DOCK1: variants seen among roughly 807,000 people sequenced by gnomAD.
DOCK1 encodes the protein dedicator of cytokinesis protein 1.
A neutral mutation model predicts 262.7 loss-of-function variants in DOCK1; 138 were observed. The ratio of observed to expected loss-of-function variants is 0.53; its 90% CI spans 0.46 to 0.61. The LOEUF is 0.61. Among genes scored for constraint, DOCK1 ranks in the 20% least tolerant of loss-of-function variants. The pLI is 0.00. For synonymous variants in DOCK1, 866 were observed against 867.4 expected, an observed-to-expected ratio of 1.00 and a Z score of 0.03; for missense variants, 1,908 against 2,370.7, an observed-to-expected ratio of 0.80 and a Z score of 4.05.
intron 19 of DOCK1, among the ~76,000 whole-genome samples, chr10:127,039,101 C>T (rs1329312647): frequency 1.3e-5 from 2 of 152,198 alleles, no homozygotes. Context: ...GTGTGCTTCA[C>T]TTCAGTATCA....
chr10:127,049,636 T>C (rs564475457), intron 21 of DOCK1, among the ~76,000 whole-genome samples: 1 of 152,276 alleles, frequency 6.6e-6, no homozygotes, highest in South Asian at 2.1e-4. Context: ...ACCATGTTCA[T>C]GTATTGAAAA....
intron 27 of DOCK1, among the ~76,000 whole-genome samples, chr10:127,241,438 C>G (rs925702452): frequency 6.6e-6 from 1 of 151,994 alleles, no homozygotes; most frequent in Non-Finnish European, 1.5e-5. Context: ...TTTATTAATG[C>G]TGGATGAATT....
intron 29 of DOCK1, among the ~76,000 whole-genome samples, chr10:127,299,224 G>A (rs182013774): frequency 7.2e-5 from 11 of 152,226 alleles, no homozygotes; most frequent in African/African-American, 2.4e-4. Context: ...TCAGCCTCCC[G>A]AGTAGCTGGG....
At chr10:127,139,898 T>G (rs1333504025) in intron 27 of DOCK1, among the ~76,000 whole-genome samples, 1 of 152,192 alleles carries the variant, frequency 6.6e-6, no homozygotes, top group Non-Finnish European at 1.5e-5. Flanking sequence ...TGATCACTAA[T>G]CTTATAATGG....
At chr10:127,025,085 A>G (rs937579526) in intron 15 of DOCK1, 1 of 204,800 alleles carries the variant, frequency 4.9e-6, no homozygotes, top group Non-Finnish European at 9.9e-6. Context: ...CTGTCTTTAC[A>G]CCAAACAAAA....
At chr10:127,235,788 GTT>G (rs57376230) in intron 27 of DOCK1, among the ~76,000 whole-genome samples, 3 of 149,326 alleles carry the variant, frequency 2.0e-5, no homozygotes. Context: ...TGTGGTGGTT[GTT>G]TTTTTTTTTA....
At chr10:126,957,555 A>G (rs1472537974) in intron 1 of DOCK1, among the ~76,000 whole-genome samples, 1 of 152,074 alleles carries the variant, frequency 6.6e-6, no homozygotes, top group Non-Finnish European at 1.5e-5. Context: ...GCACGGTCAT[A>G]GCTCACTGCA....
chr10:127,320,365 T>G (rs565782196), intron 29 of DOCK1, among the ~76,000 whole-genome samples: 1 of 152,144 alleles, frequency 6.6e-6, no homozygotes, highest in Non-Finnish European at 1.5e-5. Flanking sequence ...CAGGGGCCAA[T>G]GCAGCCAAGG....
chr10:127,399,521 AT>A (rs777110769), intron 38 of DOCK1, among the ~76,000 whole-genome samples: 84 of 152,316 alleles, frequency 5.5e-4, no homozygotes, highest in Non-Finnish European at 5.0e-4. Flanking sequence ...TTTATAGGAA[AT>A]CTGATAGAAG....
At chr10:126,960,745 T>TATATATATATATATATATATATACAC (rs1429186588) in intron 1 of DOCK1, among the ~76,000 whole-genome samples, 62 of 115,490 alleles carry the variant, frequency 5.4e-4, no homozygotes, top group Non-Finnish European at 7.8e-4. Context: ...TATATATATA[T>TATATATATATATATATATATATACAC]ACACACACAC....
rs11429952 is a variant in DOCK1, at chr10:127,036,981, GA to G, written c.1913-722del. On this transcript the variant is annotated intron_variant, in intron 18 of 51. Coordinates refer to ENST00000623213, the MANE Select transcript of DOCK1 (RefSeq NM_001290223.2). ...AGCAAGAGCGAAACGCCATCTCAAG[GA>G]AAAAAAAAAAAAAAAGAAAAAGAAT... 8.2e-4 allele frequency among the ~76,000 whole-genome samples: 105 copies of G among 128,004 alleles called. 1 individual carries two copies. Among genetic ancestry groups the G allele is most frequent in the African/African-American group, 1.8e-3 (64 of 35,076 alleles). The allele number at this position is 128,004 out of a possible 152,430, so 84.0% of individuals were successfully genotyped here. A position where few individuals can be genotyped will look rare whatever the true frequency, so the allele number is the denominator to read the frequency against.
intron 27 of DOCK1, among the ~76,000 whole-genome samples, chr10:127,158,818 C>T (rs1592285250): frequency 6.6e-6 from 1 of 152,188 alleles, no homozygotes. Context: ...TAAGTATTCT[C>T]TTAACAATGC....
At chr10:127,151,732 C>T (rs2052507278) in intron 27 of DOCK1, among the ~76,000 whole-genome samples, 1 of 152,226 alleles carries the variant, frequency 6.6e-6, no homozygotes, top group Non-Finnish European at 1.5e-5. Flanking sequence ...GCCTCGCCCT[C>T]TACCTAGTGA....
At chr10:127,279,697 C>T (rs2060873570) in intron 29 of DOCK1, among the ~76,000 whole-genome samples, 1 of 152,138 alleles carries the variant, frequency 6.6e-6, no homozygotes, top group South Asian at 2.1e-4. Context: ...AAGGCCCCTC[C>T]CAGCCTGGTG....
chr10:126,916,880 A>G (rs981677010), intron 1 of DOCK1, among the ~76,000 whole-genome samples: 1 of 151,798 alleles, frequency 6.6e-6, no homozygotes. Context: ...TCAGAATTCC[A>G]GTTTGTCACA....
chr10:127,130,770 C>T (rs1364914845), intron 27 of DOCK1, among the ~76,000 whole-genome samples: 1 of 152,198 alleles, frequency 6.6e-6, no homozygotes, highest in Non-Finnish European at 1.5e-5. Context: ...TTCAAGATCC[C>T]ACAGCTAGCA....
chr10:127,211,907 C>T (rs1308573580), intron 27 of DOCK1, among the ~76,000 whole-genome samples: 2 of 152,176 alleles, frequency 1.3e-5, no homozygotes, highest in East Asian at 1.9e-4. Context: ...CTGCATGTTC[C>T]GAAAGCTCTG....
intron 25 of DOCK1, among the ~76,000 whole-genome samples, chr10:127,124,716 C>CTTGA (rs777558561): frequency 3.9e-5 from 6 of 152,254 alleles, no homozygotes; most frequent in Non-Finnish European, 5.9e-5. Flanking sequence ...AGGAAGCTGT[C>CTTGA]TTGAGAAGGA....
intron 29 of DOCK1, among the ~76,000 whole-genome samples, chr10:127,326,939 G>A (rs2062770047): frequency 1.3e-5 from 2 of 152,208 alleles, no homozygotes; most frequent in South Asian, 4.1e-4. Flanking sequence ...TTGTCAATGA[G>A]CAGTAATATT....
Sources: gnomAD v4.1 joint callset for allele counts (sites outside exome capture counted in the v4.1 genomes callset) on GRCh38, gnomAD v4.1.1 for gene constraint, MANE v1.5 for transcripts, NCBI Gene and HGNC (gene_info 2026-07-23, HGNC 2026-07-21) for gene names.